ANO6: variants seen among roughly 807,000 people sequenced by gnomAD.
ANO6 encodes anoctamin 6.
ANO6 carries 106 observed loss-of-function variants against 117.5 expected under a neutral mutation model. The observed-to-expected ratio is 0.90, with a 90% CI of 0.77 to 1.06. ANO6 has a LOEUF of 1.06. Ranked by LOEUF, ANO6 falls within the 50% of genes least tolerant of loss-of-function variation. ANO6 has a pLI of 0.00. For synonymous variants in ANO6, 367 were observed against 385.1 expected, an observed-to-expected ratio of 0.95 and a Z score of 0.55; for missense variants, 955 against 1,121.1, an observed-to-expected ratio of 0.85 and a Z score of 2.12.
intron 1 of ANO6, among the ~76,000 whole-genome samples, chr12:45,240,351 ATTTTTTTTTTTTTTTTTTTTTTT>A (rs57126852): frequency 8.5e-4 from 26 of 30,736 alleles, no homozygotes; most frequent in East Asian, 2.6e-3. Context: ...GCAACCCCTG[ATTTTTTTTTTTTTTTTTTTTTTT>A]TTTTTTTTTT....
At chr12:45,397,157 C>T (rs1942639218) in intron 12 of ANO6, among the ~76,000 whole-genome samples, 1 of 151,984 alleles carries the variant, frequency 6.6e-6, no homozygotes, top group Non-Finnish European at 1.5e-5. Context: ...AGAAAACAAC[C>T]CCATCAAAAA....
intron 2 of ANO6, among the ~76,000 whole-genome samples, chr12:45,311,770 C>G (rs1319040680): frequency 6.6e-6 from 1 of 151,940 alleles, no homozygotes; most frequent in Non-Finnish European, 1.5e-5. Flanking sequence ...ATGCTTGAAC[C>G]AGGCCATGTC....
At chr12:45,216,461 C>G in intron 1 of ANO6, 70 bp downstream of exon 1, 7 of 1,543,380 alleles carry the variant, frequency 4.5e-6, no homozygotes, top group Non-Finnish European at 5.3e-6. Flanking sequence ...GGGGACTGCG[C>G]GGGGGCGCTG....
chr12:45,288,083 TCTCC>T (rs1159999820), intron 1 of ANO6, among the ~76,000 whole-genome samples: 2 of 152,028 alleles, frequency 1.3e-5, no homozygotes, highest in Non-Finnish European at 2.9e-5. Flanking sequence ...TCAGAAGAGC[TCTCC>T]CTAAAGGACA....
At chr12:45,411,046 A>G (rs1943074441) in intron 16 of ANO6, among the ~76,000 whole-genome samples, 1 of 152,232 alleles carries the variant, frequency 6.6e-6, no homozygotes, top group Admixed American at 6.5e-5. Context: ...CTGTAAGACA[A>G]TTACCTGTTG....
At chr12:45,362,122 T>C (rs1279813278) in intron 8 of ANO6, among the ~76,000 whole-genome samples, 1 of 152,134 alleles carries the variant, frequency 6.6e-6, no homozygotes, top group Non-Finnish European at 1.5e-5. Flanking sequence ...GACTGGGCTT[T>C]TCTTTGCAGG....
downstream of ANO6, among the ~76,000 whole-genome samples, chr12:45,433,985 AC>A (rs1565781580): frequency 6.6e-6 from 1 of 151,930 alleles, no homozygotes; most frequent in Non-Finnish European, 1.5e-5. Flanking sequence ...AGCCCTTTAA[AC>A]CCCTTGCCTC....
At chr12:45,281,813 G>C (rs1938746405) in intron 1 of ANO6, among the ~76,000 whole-genome samples, 1 of 152,230 alleles carries the variant, frequency 6.6e-6, no homozygotes, top group Non-Finnish European at 1.5e-5. Context: ...AGCTATTAAA[G>C]TATTTAAAGC....
At position 45,429,944 on chromosome 12, in the gene ANO6, T is replaced by C. The variant is rs1943594884; in HGVS notation, c.*633T>C. 1.0e-6 allele frequency: 1 copy of C among 987,880 alleles called. No individual in the cohort carries two copies. The highest frequency in any genetic ancestry group is 1.7e-5 in the African/African-American group (1 of 57,262). The allele number at this position is 987,880 out of a possible 1,614,324, so 61.2% of individuals were successfully genotyped here. ...TACTCTTAGTAGGTTGGAGTGAAGA[T>C]AGCAAGGTTTTGAAGCATATTTGTC... On this transcript the variant is annotated 3_prime_UTR_variant, in exon 20 of 20. Transcript: ENST00000320560.
chr12:45,429,901 C>T lies in ANO6; in HGVS notation c.*590C>T, dbSNP rs1943593836. The T allele has an allele frequency of 2.0e-6, 2 of 988,774 alleles. No homozygotes were observed. The highest frequency in any genetic ancestry group is 2.2e-4 in the East Asian group (2 of 8,892). The allele number at this position is 988,774 out of a possible 1,614,324, so 61.3% of individuals were successfully genotyped here. ...AGTTTCAGTCTTCATTTGAGCATGT[C>T]TTTCCATCTCAAAAAAATACTCTTA... On this transcript the variant is annotated 3_prime_UTR_variant, in exon 20 of 20. Transcript: ENST00000320560.
rs1028909766 is a variant in ANO6, at chr12:45,302,051, G to A, written c.108G>A (p.Leu36=). ...ENLGQTIVPD[L]GSLESQHDFR... Reference sequence around the variant, plus strand: ...TTGGACAGACAATTGTCCCCGATTTGGGATCACTGGAAAGTCAGCATGATT... The same window carrying A: ...TTGGACAGACAATTGTCCCCGATTTAGGATCACTGGAAAGTCAGCATGATT... The change falls in exon 2 of 20, where the codon TTG becomes TTA. Residue 36 remains leucine, a synonymous_variant. Coordinates refer to ENST00000320560, the MANE Select transcript of ANO6 (RefSeq NM_001025356.3). 6.2e-7 allele frequency: 1 copy of A among 1,613,926 alleles called. No individual in the cohort carries two copies. The highest frequency in any genetic ancestry group is 1.3e-5 in the African/African-American group (1 of 75,016).
At position 45,216,418 on chromosome 12, in the gene ANO6, C is replaced by T. The variant is rs1020280143; in HGVS notation, c.70+27C>T. 12 of 1,602,392 alleles carry T rather than the reference C, an allele frequency of 7.5e-6. No homozygotes were observed. In the African/African-American group the frequency reaches 1.3e-4, roughly 18 times the overall value. On this transcript the variant is annotated intron_variant, in intron 1 of 19. Coordinates refer to ENST00000320560, the MANE Select transcript of ANO6 (RefSeq NM_001025356.3). ...TGAGCGAGGGGTCCCCGCGTCCCCA[C>T]CCGAGAGCCCGAGCCGACGCGGGAA...
intron 4 of ANO6, chr12:45,347,464 C>A (rs1430054380): frequency 9.2e-6 from 2 of 217,030 alleles, no homozygotes; most frequent in African/African-American, 2.3e-5. Context: ...TCCTTCTGAG[C>A]TGTTTTACTC....
At chr12:45,306,154 G>A (rs1939661559) in intron 2 of ANO6, among the ~76,000 whole-genome samples, 1 of 152,122 alleles carries the variant, frequency 6.6e-6, no homozygotes, top group Non-Finnish European at 1.5e-5. Context: ...GGAAAGAGAA[G>A]GCCAAGGAAT....
intron 6 of ANO6, 39 bp from the exon 7 acceptor site, chr12:45,350,620 G>A (rs199846061): frequency 1.7e-5 from 26 of 1,509,656 alleles, no homozygotes; most frequent in Middle Eastern, 1.7e-4. Context: ...GTGAAAACAC[G>A]ATGATTATGG....
rs1565770813 is a variant in ANO6 at position 45,421,287 on chromosome 12, T to A, written c.2420+14T>A. On this transcript the variant is annotated intron_variant, in intron 18 of 19. Coordinates refer to ENST00000320560, the MANE Select transcript of ANO6 (RefSeq NM_001025356.3). ...TACCACATGCAGGCAAGTTCTGCTT[T>A]ACTTGTTTAAAAATGCACTTCATCT... is the stretch of plus-strand genomic sequence containing the variant. The A allele has an allele frequency of 6.2e-7, 1 of 1,612,694 alleles. No homozygotes were observed. The highest frequency in any genetic ancestry group is 1.7e-5 in the Admixed American group (1 of 59,900).
chr12:45,344,545 A>G (rs985327501), intron 3 of ANO6, among the ~76,000 whole-genome samples: 2 of 152,180 alleles, frequency 1.3e-5, no homozygotes, highest in African/African-American at 4.8e-5. Context: ...AGATCTCGTG[A>G]GAACTCACTA....
At chr12:45,376,708 G>T (rs1424207517) in intron 9 of ANO6, among the ~76,000 whole-genome samples, 9 of 146,122 alleles carry the variant, frequency 6.2e-5, no homozygotes, top group Non-Finnish European at 1.2e-4. Context: ...GTTGTGGGAT[G>T]GGGGGAGGGG....
chr12:45,369,811 AAAT>A (rs1408226584), intron 9 of ANO6, among the ~76,000 whole-genome samples: 11 of 150,498 alleles, frequency 7.3e-5, no homozygotes, highest in African/African-American at 2.5e-4. Context: ...ACAATTACAC[AAAT>A]AATAAGGATT....
Sources: gnomAD v4.1 joint callset for allele counts (sites outside exome capture counted in the v4.1 genomes callset) on GRCh38, gnomAD v4.1.1 for gene constraint, MANE v1.5 for transcripts, NCBI Gene and HGNC (gene_info 2026-07-23, HGNC 2026-07-21) for gene names.